Variants in ACER3 observed in about 807,000 individuals in gnomAD.
ACER3 encodes alkCDase 3.
In ACER3, 16 loss-of-function variants were observed where a neutral mutation model predicts 48.9. That is an observed-to-expected ratio of 0.33 (90% CI 0.22 to 0.50). The LOEUF is 0.50. ACER3 is among the 20% of genes least tolerant of loss of function. The pLI, the probability that ACER3 is intolerant of heterozygous loss-of-function variation, is 0.98. For missense variants in ACER3, 227 were observed against 326.0 expected (o/e 0.70, Z 2.34); for synonymous variants, 109 against 107.8 (o/e 1.01, Z -0.07).
intron 1 of ACER3, among the ~76,000 whole-genome samples, chr11:76,879,353 T>C (rs1945466675): frequency 6.6e-6 from 1 of 152,190 alleles, no homozygotes; most frequent in Non-Finnish European, 1.5e-5. Flanking sequence ...ATCCAGTTAT[T>C]TTAGCATCAT....
chr11:77,026,271 T>TA lies in ACER3; in HGVS notation c.*5946dup, dbSNP rs1949549051. 6.6e-6 allele frequency: 1 copy of TA among 152,106 alleles called. No individual in the cohort carries two copies. The highest frequency in any genetic ancestry group is 1.5e-5 in the Non-Finnish European group (1 of 67,990). The allele number at this position is 152,106 out of a possible 1,614,324, so 9.4% of individuals were successfully genotyped here. On this transcript the variant is annotated 3_prime_UTR_variant, in exon 11 of 11. Transcript: ENST00000532485. The stretch of plus-strand genomic sequence containing the variant: ...TCATGTACACTTTTTTTCTTTTTTT[T>TA]AACTTTCTAAAAGGAAAAGTTCAAA...
chr11:76,896,072 G>T (rs547445528), intron 1 of ACER3, among the ~76,000 whole-genome samples: 3 of 152,026 alleles, frequency 2.0e-5, no homozygotes, highest in East Asian at 1.9e-4. Flanking sequence ...CAATAAAAAG[G>T]TTCCCATATC....
Position 77,022,868 on chromosome 11 carries a change from CAAAAA to C in ACER3, c.*2561_*2565del, listed in dbSNP as rs10565723. On this transcript the variant is annotated 3_prime_UTR_variant, in exon 11 of 11. Coordinates refer to ENST00000532485, the MANE Select transcript of ACER3 (RefSeq NM_018367.7). ...ATGGTGGCAGAGCGAGACTCCGTCT[CAAAAA>C]AAAAAAAAAAAAAAAAAAAGAAAAG... 16 of 277,972 alleles carry C rather than the reference CAAAAA, an allele frequency of 5.8e-5. No homozygotes were observed. Among genetic ancestry groups the C allele is most frequent in the East Asian group, 1.2e-4 (2 of 17,278 alleles). The allele number at this position is 277,972 out of a possible 1,614,324, so 17.2% of individuals were successfully genotyped here. A position where few individuals can be genotyped will look rare whatever the true frequency, so the allele number is the denominator to read the frequency against.
intron 5 of ACER3, among the ~76,000 whole-genome samples, chr11:76,989,659 A>C (rs1948758224): frequency 6.6e-6 from 1 of 152,224 alleles, no homozygotes; most frequent in South Asian, 2.1e-4. Context: ...GGAGACTTGG[A>C]TGAGGAGGAA....
At chr11:76,903,176 T>G (rs1260508357) in intron 1 of ACER3, among the ~76,000 whole-genome samples, 1 of 152,110 alleles carries the variant, frequency 6.6e-6, no homozygotes, top group Non-Finnish European at 1.5e-5. Flanking sequence ...TCCAATATAT[T>G]TATTGAAAAA....
chr11:76,923,506 CT>C (rs1323005427), intron 1 of ACER3, among the ~76,000 whole-genome samples: 5 of 152,062 alleles, frequency 3.3e-5, no homozygotes, highest in African/African-American at 4.8e-5. Context: ...ATGTTTCTTG[CT>C]TTTTTTGTAT....
At chr11:76,989,249 CTGGGTT>C (rs1430247451) in intron 5 of ACER3, among the ~76,000 whole-genome samples, 2 of 150,010 alleles carry the variant, frequency 1.3e-5, no homozygotes, top group African/African-American at 2.4e-5. Flanking sequence ...AGGAAATAAT[CTGGGTT>C]TGGTTTTTTT....
chr11:76,934,085 G>A (rs1407690433), intron 2 of ACER3, among the ~76,000 whole-genome samples: 2 of 151,778 alleles, frequency 1.3e-5, no homozygotes, highest in African/African-American at 4.8e-5. Context: ...CTTCCTAGAT[G>A]GGATGGCGGC....
chr11:76,976,274 C>G lies in ACER3; in HGVS notation c.268-15C>G, dbSNP rs1348299073. 4 of 1,591,930 alleles carry G rather than the reference C, an allele frequency of 2.5e-6. No homozygotes were observed. The highest frequency in any genetic ancestry group is 1.1e-5 in the South Asian group (1 of 89,396). ...CATGATATTCAAGCCTGTTATCTAT[C>G]TTTGTTTCTTACAGCTATTGGATGA... On this transcript the variant is annotated splice_polypyrimidine_tract_variant and intron_variant, in intron 3 of 10. Coordinates refer to ENST00000532485, the MANE Select transcript of ACER3 (RefSeq NM_018367.7).
At chr11:76,935,866 G>T (rs895596572) in intron 2 of ACER3, among the ~76,000 whole-genome samples, 1 of 152,300 alleles carries the variant, frequency 6.6e-6, no homozygotes, top group African/African-American at 2.4e-5. Flanking sequence ...CATATGGCTT[G>T]TGACTACTAT....
Position 77,016,790 on chromosome 11 carries a change from G to C in ACER3, c.704+11G>C. On this transcript the variant is annotated intron_variant, in intron 9 of 10. Transcript: ENST00000532485. ...TCACATCCTTTTCAGGTAGGAAATA[G>C]AGACTTTTTTAGCCTCGTACTAGAG... 1 of 1,489,016 alleles carries C rather than the reference G, an allele frequency of 6.7e-7. No homozygotes were observed. The highest frequency in any genetic ancestry group is 9.2e-7 in the Non-Finnish European group (1 of 1,086,304). 92.2% of individuals were successfully genotyped at this position (1,489,016 alleles called of 1,614,324 possible). A position where few individuals can be genotyped will look rare whatever the true frequency, so the allele number is the denominator to read the frequency against.
chr11:77,015,088 T>A lies in ACER3; in HGVS notation c.570T>A (p.Asn190Lys), dbSNP rs1949342990. Residue 190 changes from asparagine (N) to lysine (K), a missense_variant, in exon 8 of 11, where the codon AAT becomes AAA. By Grantham distance (94) the Asn-to-Lys change is moderately conservative (BLOSUM62 0). This residue lies in a region of ACER3 where 195 missense variants were observed against 290.8 expected (regional missense o/e 0.67). Coordinates refer to ENST00000532485, the MANE Select transcript of ACER3 (RefSeq NM_018367.7). ...TTTTATTGGGATTTTTATTTTGGAATATAGATAACATATTTTGTGAGTCAC... is the reference window on the plus strand; with the variant it reads ...TTTTATTGGGATTTTTATTTTGGAAAATAGATAACATATTTTGTGAGTCAC... ...GIFLLGFLFW[N>K]IDNIFCESLR... The A allele has an allele frequency of 6.4e-7, 1 of 1,573,718 alleles. No homozygotes were observed. The highest frequency in any genetic ancestry group is 8.7e-7 in the Non-Finnish European group (1 of 1,143,614).
chr11:76,883,884 A>T (rs1158347021), intron 1 of ACER3, among the ~76,000 whole-genome samples: 7 of 152,304 alleles, frequency 4.6e-5, no homozygotes, highest in Middle Eastern at 3.4e-3. Flanking sequence ...GATTCTGATC[A>T]GTTGATCCCT....
At position 76,998,789 on chromosome 11, in the gene ACER3, A is replaced by G. The variant is rs1317394244; in HGVS notation, c.465A>G (p.Thr155=). ...HQVMYGMLVF[T]LVLRSIYIVT... is the part of the protein sequence containing the mutation. ...TCATGTATGGAATGTTGGTCTTTAC[A>G]TTAGTACTTCGATCTATTTATATTG... Residue 155 remains threonine (T), a synonymous_variant, in exon 7 of 11, where the codon ACA becomes ACG. Coordinates refer to ENST00000532485, the MANE Select transcript of ACER3 (RefSeq NM_018367.7). 1.1e-5 allele frequency: 17 copies of G among 1,598,480 alleles called. No homozygotes were observed. Among genetic ancestry groups the G allele is most frequent in the Non-Finnish European group, 1.4e-5 (17 of 1,174,282 alleles).
chr11:76,970,632 T>C (rs1252460502), intron 3 of ACER3, among the ~76,000 whole-genome samples: 1 of 152,218 alleles, frequency 6.6e-6, no homozygotes, highest in African/African-American at 2.4e-5. Context: ...AATAAATCAA[T>C]GTTAATTATT....
chr11:76,919,045 C>G (rs1946614838), intron 1 of ACER3, among the ~76,000 whole-genome samples: 1 of 152,174 alleles, frequency 6.6e-6, no homozygotes, highest in Non-Finnish European at 1.5e-5. Context: ...TTTCATCAAG[C>G]TAATTTGCTG....
intron 3 of ACER3, among the ~76,000 whole-genome samples, chr11:76,963,188 G>T (rs868124929): frequency 6.6e-6 from 1 of 151,236 alleles, no homozygotes; most frequent in Non-Finnish European, 1.5e-5. Flanking sequence ...TACACAGTGG[G>T]CCCCATGGAA....
chr11:76,903,015 T>G (rs1424832284), intron 1 of ACER3, among the ~76,000 whole-genome samples: 1 of 152,254 alleles, frequency 6.6e-6, no homozygotes, highest in African/African-American at 2.4e-5. Context: ...TATAATAGAT[T>G]TATGTATATG....
intron 1 of ACER3, among the ~76,000 whole-genome samples, chr11:76,888,871 G>A (rs945985381): frequency 2.0e-5 from 3 of 152,152 alleles, no homozygotes; most frequent in African/African-American, 4.8e-5. Context: ...GTTACACAAG[G>A]CTATGGATAC....
Sources: gnomAD v4.1 joint callset for allele counts (sites outside exome capture counted in the v4.1 genomes callset) on GRCh38, gnomAD v4.1.1 for gene constraint, gnomAD v4.1.1 regional missense constraint, MANE v1.5 for transcripts, NCBI Gene and HGNC (gene_info 2026-07-23, HGNC 2026-07-21) for gene names.